The following CALN1 variants were observed in gnomAD, a reference collection of about 807,000 sequenced individuals.
CALN1 encodes the protein calneuron 1, also known as calcium-binding protein 8.
Under a neutral mutation model 30.6 loss-of-function variants are expected in CALN1, and 17 were observed. The ratio of observed to expected loss-of-function variants is 0.56; its 90% CI spans 0.38 to 0.83. The LOEUF (loss-of-function observed/expected upper bound fraction) is 0.83. Among genes scored for constraint, CALN1 ranks in the 40% least tolerant of loss-of-function variants. The pLI is 0.00. For missense variants in CALN1, 291 were observed against 354.9 expected, an observed-to-expected ratio of 0.82 and a Z score of 1.45; for synonymous variants, 156 against 131.4, an observed-to-expected ratio of 1.19 and a Z score of -1.28.
chr7:72,320,248 C>G (rs923958774), intron 2 of CALN1, among the ~76,000 whole-genome samples: 1 of 152,162 alleles, frequency 6.6e-6, no homozygotes, highest in African/African-American at 2.4e-5. Context: ...GCTAGGACGG[C>G]GGGCTAGGAC....
chr7:72,344,067 CAG>C (rs1802503897), intron 2 of CALN1, among the ~76,000 whole-genome samples: 1 of 151,902 alleles, frequency 6.6e-6, no homozygotes, highest in Admixed American at 6.6e-5. Context: ...TATTTAGAGA[CAG>C]AGTCTCACTC....
At chr7:72,496,589 T>C in the CALN1 span, among the ~76,000 whole-genome samples, 1 of 152,134 alleles carries the variant, frequency 6.6e-6, no homozygotes. Flanking sequence ...TAGAATTCAA[T>C]CAAAAAGCTA....
chr7:72,085,631 G>GA (rs1425853725), intron 4 of CALN1, among the ~76,000 whole-genome samples: 1 of 152,148 alleles, frequency 6.6e-6, no homozygotes, highest in Middle Eastern at 3.2e-3. Flanking sequence ...CACAGAGTGG[G>GA]AAAAATTATT....
At chr7:72,334,806 G>C (rs1053374120) in intron 2 of CALN1, among the ~76,000 whole-genome samples, 2 of 152,200 alleles carry the variant, frequency 1.3e-5, no homozygotes, top group Non-Finnish European at 2.9e-5. Flanking sequence ...GATACACCCA[G>C]TAACCAACTT....
chr7:72,006,229 G>T (rs1799766185), intron 5 of CALN1, among the ~76,000 whole-genome samples: 1 of 152,042 alleles, frequency 6.6e-6, no homozygotes, highest in South Asian at 2.1e-4. Flanking sequence ...AAAAATAAGA[G>T]GTTAGTTTTT....
At chr7:72,121,936 A>G (rs931441073) in intron 3 of CALN1, among the ~76,000 whole-genome samples, 3 of 149,142 alleles carry the variant, frequency 2.0e-5, no homozygotes, top group Non-Finnish European at 3.0e-5. Flanking sequence ...CATGTAATAT[A>G]TAATAGTTTG....
the CALN1 span, among the ~76,000 whole-genome samples, chr7:72,461,359 T>C: frequency 3.9e-5 from 6 of 152,304 alleles, no homozygotes; most frequent in African/African-American, 1.4e-4. Flanking sequence ...TGCACTTATA[T>C]GTTCATTGCA....
chr7:72,042,639 G>A (rs1802201405), intron 4 of CALN1, among the ~76,000 whole-genome samples: 1 of 152,122 alleles, frequency 6.6e-6, no homozygotes, highest in Admixed American at 6.6e-5. Flanking sequence ...GGGAGGCTGA[G>A]GCTGCAGGAT....
At chr7:71,943,571 GCTGAGACTAC>G (rs1416592739) in intron 5 of CALN1, among the ~76,000 whole-genome samples, 1 of 151,790 alleles carries the variant, frequency 6.6e-6, no homozygotes, top group Non-Finnish European at 1.5e-5. Flanking sequence ...CTCCCGAGTA[GCTGAGACTAC>G]AGGCATGTGT....
intron 5 of CALN1, among the ~76,000 whole-genome samples, chr7:72,008,406 A>G (rs1170209699): frequency 1.3e-5 from 2 of 151,748 alleles, no homozygotes; most frequent in Admixed American, 1.3e-4. Flanking sequence ...ATTTATATCT[A>G]AATTATTTCA....
At chr7:71,974,412 C>A (rs1477131874) in intron 5 of CALN1, among the ~76,000 whole-genome samples, 2 of 76,518 alleles carry the variant, frequency 2.6e-5, no homozygotes, top group South Asian at 5.7e-4. Context: ...AGCAAGACTC[C>A]ATCTCAAAAA....
At chr7:72,400,410 T>A (rs1806261880) in intron 2 of CALN1, among the ~76,000 whole-genome samples, 1 of 152,178 alleles carries the variant, frequency 6.6e-6, no homozygotes, top group African/African-American at 2.4e-5. Context: ...CCAAGAGACT[T>A]AGCTTTCTCA....
intron 3 of CALN1, among the ~76,000 whole-genome samples, chr7:72,167,397 T>A (rs1174753701): frequency 6.6e-6 from 1 of 152,202 alleles, no homozygotes; most frequent in Non-Finnish European, 1.5e-5. Context: ...CAGCTTGGAA[T>A]ACAGTGATGC....
intron 3 of CALN1, among the ~76,000 whole-genome samples, chr7:72,137,108 G>T (rs545985222): frequency 6.6e-6 from 1 of 152,198 alleles, no homozygotes; most frequent in African/African-American, 2.4e-5. Context: ...GTTTTGGAAA[G>T]GGGGGCTTGT....
intron 3 of CALN1, among the ~76,000 whole-genome samples, chr7:72,157,192 C>T (rs1010287710): frequency 6.6e-6 from 1 of 152,202 alleles, no homozygotes; most frequent in East Asian, 1.9e-4. Flanking sequence ...TTCACTTACC[C>T]ATTTGGCAAA....
At chr7:71,854,804 C>T (rs768662977) in intron 5 of CALN1, among the ~76,000 whole-genome samples, 5 of 152,176 alleles carry the variant, frequency 3.3e-5, no homozygotes, top group Non-Finnish European at 7.3e-5. Flanking sequence ...TCAGAAGCTT[C>T]GGGCTCATTT....
chr7:72,377,355 G>T (rs1237589529), intron 2 of CALN1, among the ~76,000 whole-genome samples: 2 of 151,538 alleles, frequency 1.3e-5, no homozygotes, highest in Non-Finnish European at 2.9e-5. Context: ...TCTTTGTCTA[G>T]TAAGTTCACC....
At chr7:72,472,302 A>G in the CALN1 span, among the ~76,000 whole-genome samples, 1 of 152,186 alleles carries the variant, frequency 6.6e-6, no homozygotes, top group Admixed American at 6.5e-5. Flanking sequence ...GGATGAATGC[A>G]TGGTCAATGG....
chr7:72,362,774 A>C (rs1490476773), intron 2 of CALN1, among the ~76,000 whole-genome samples: 2 of 152,080 alleles, frequency 1.3e-5, no homozygotes, highest in Non-Finnish European at 2.9e-5. Flanking sequence ...TCAAGGAAGA[A>C]ATCGTACTCA....
Sources: allele counts gnomAD v4.1 joint callset (sites outside exome capture counted in the v4.1 genomes callset), GRCh38; gene constraint gnomAD v4.1.1; transcripts MANE v1.5; gene names NCBI Gene and HGNC (gene_info 2026-07-23, HGNC 2026-07-21).